Variants in ZMAT4 observed in about 807,000 individuals in gnomAD.
ZMAT4 encodes the protein zinc finger matrin-type 4.
Under a neutral mutation model 28.7 loss-of-function variants are expected in ZMAT4, and 17 were observed. The ratio of observed to expected loss-of-function variants is 0.59; its 90% CI spans 0.41 to 0.89. The LOEUF (loss-of-function observed/expected upper bound fraction) is 0.89. ZMAT4 is among the 40% of genes least tolerant of loss of function. The probability of loss-of-function intolerance (pLI) is 0.00; values close to 1 mark genes in which losing one functional copy is unlikely to be tolerated. For synonymous variants in ZMAT4, 117 were observed against 109.2 expected (o/e 1.07, Z -0.44); for missense variants, 240 against 283.8 (o/e 0.85, Z 1.11).
At chr8:40,845,135 C>T (rs964361824) in intron 1 of ZMAT4, among the ~76,000 whole-genome samples, 1 of 152,186 alleles carries the variant, frequency 6.6e-6, no homozygotes, top group Non-Finnish European at 1.5e-5. Flanking sequence ...ATAAATATCG[C>T]ATCTACAGCT....
intron 1 of ZMAT4, among the ~76,000 whole-genome samples, chr8:40,865,519 A>C (rs16890054): frequency 0.21 from 31,641 of 152,070 alleles, 3,418 homozygotes; most frequent in African/African-American, 0.24. Flanking sequence ...TCTCTGCTCC[A>C]GAACCCTCAG....
At chr8:40,612,016 C>T (rs1805815697) in intron 5 of ZMAT4, among the ~76,000 whole-genome samples, 1 of 152,154 alleles carries the variant, frequency 6.6e-6, no homozygotes. Context: ...GGAGCATGGG[C>T]ATTGGGATGG....
intron 5 of ZMAT4, among the ~76,000 whole-genome samples, chr8:40,589,728 T>TTTCC (rs1563353818): frequency 1.2e-4 from 6 of 49,242 alleles, no homozygotes; most frequent in African/African-American, 4.0e-4. Context: ...TCCTTCTTCC[T>TTTCC]TTCCTTTCTT....
At chr8:40,633,552 C>T (rs1305492112) in intron 5 of ZMAT4, among the ~76,000 whole-genome samples, 4 of 152,166 alleles carry the variant, frequency 2.6e-5, no homozygotes, top group Admixed American at 1.3e-4. Context: ...GGTCTGTCCT[C>T]GCTCCATGGC....
At chr8:40,667,125 C>G (rs534979102) in intron 5 of ZMAT4, among the ~76,000 whole-genome samples, 1 of 151,566 alleles carries the variant, frequency 6.6e-6, no homozygotes, top group African/African-American at 2.4e-5. Flanking sequence ...AACACTGGCC[C>G]GCAATAATTT....
intron 5 of ZMAT4, among the ~76,000 whole-genome samples, chr8:40,646,428 C>A (rs1416637721): frequency 6.6e-6 from 1 of 151,648 alleles, no homozygotes; most frequent in Non-Finnish European, 1.5e-5. Flanking sequence ...GTATCACTTT[C>A]CATAAAGTAT....
intron 6 of ZMAT4, among the ~76,000 whole-genome samples, chr8:40,534,298 T>G (rs984470431): frequency 7.2e-5 from 11 of 152,216 alleles, no homozygotes; most frequent in African/African-American, 2.7e-4. Context: ...TACTTCATAT[T>G]TTAGTCAGCA....
chr8:40,678,532 T>C (rs1383956233), intron 4 of ZMAT4, among the ~76,000 whole-genome samples: 1 of 152,196 alleles, frequency 6.6e-6, no homozygotes, highest in Admixed American at 6.5e-5. Flanking sequence ...CCATATGCTT[T>C]GTGGGGCCTT....
chr8:40,805,102 G>GA (rs1815023373), intron 2 of ZMAT4, among the ~76,000 whole-genome samples: 1 of 151,574 alleles, frequency 6.6e-6, no homozygotes, highest in East Asian at 1.9e-4. Context: ...AAATTTACAA[G>GA]AAAAAAACAA....
chr8:40,833,661 G>C (rs1308377059), intron 1 of ZMAT4, among the ~76,000 whole-genome samples: 2 of 151,958 alleles, frequency 1.3e-5, no homozygotes, highest in East Asian at 3.9e-4. Context: ...CCACTCCCGG[G>C]ACCACCGGCT....
chr8:40,618,410 A>C (rs1341752845), intron 5 of ZMAT4, among the ~76,000 whole-genome samples: 4 of 152,196 alleles, frequency 2.6e-5, no homozygotes, highest in Admixed American at 2.0e-4. Flanking sequence ...AGTATTAATA[A>C]TACTCCTTGA....
chr8:40,748,075 G>A (rs1434067773), intron 3 of ZMAT4, among the ~76,000 whole-genome samples: 1 of 152,088 alleles, frequency 6.6e-6, no homozygotes, highest in Non-Finnish European at 1.5e-5. Flanking sequence ...AGTATTTAAA[G>A]TCATAAACAC....
chr8:40,757,464 T>TACA (rs1397808963), intron 3 of ZMAT4, among the ~76,000 whole-genome samples: 1 of 151,944 alleles, frequency 6.6e-6, no homozygotes, highest in African/African-American at 2.4e-5. Flanking sequence ...CACGTGCCTG[T>TACA]AGTCCCAACT....
chr8:40,837,827 A>G (rs1350112685), intron 1 of ZMAT4, among the ~76,000 whole-genome samples: 1 of 152,250 alleles, frequency 6.6e-6, no homozygotes, highest in East Asian at 1.9e-4. Flanking sequence ...GGCTGGGAGC[A>G]TCTTTACAGA....
intron 2 of ZMAT4, among the ~76,000 whole-genome samples, chr8:40,811,232 T>C (rs1224886133): frequency 6.6e-6 from 1 of 152,106 alleles, no homozygotes; most frequent in African/African-American, 2.4e-5. Flanking sequence ...GGAGGTAAAG[T>C]GTGTTTTACT....
At chr8:40,794,191 A>G (rs979925342) in intron 2 of ZMAT4, among the ~76,000 whole-genome samples, 40 of 152,136 alleles carry the variant, frequency 2.6e-4, no homozygotes, top group Non-Finnish European at 2.1e-4. Flanking sequence ...GAACTCGGAT[A>G]ACAAGCCTCA....
intron 6 of ZMAT4, among the ~76,000 whole-genome samples, chr8:40,579,608 A>C (rs550626351): frequency 1.3e-5 from 2 of 152,282 alleles, no homozygotes; most frequent in East Asian, 3.9e-4. Context: ...TTTGGGTTTA[A>C]ATTTTCTCAC....
chr8:40,622,113 G>A lies in ZMAT4; in HGVS notation c.578-40852C>T, dbSNP rs576934055. On this transcript the variant is annotated intron_variant, in intron 5 of 6. Coordinates refer to ENST00000297737, the MANE Select transcript of ZMAT4 (RefSeq NM_024645.3). Reference sequence around the variant, plus strand: ...CATTCCCAATACATGAAAGCACAACGGAAAGTACAAGGGTATTTTTAATTG... The same window carrying A: ...CATTCCCAATACATGAAAGCACAACAGAAAGTACAAGGGTATTTTTAATTG... Among the ~76,000 whole-genome samples the A allele has an allele frequency of 2.9e-4, 44 of 152,206 alleles. No homozygotes were observed. In the South Asian group the frequency reaches 4.6e-3, roughly 16 times the overall value.
chr8:40,656,034 A>G (rs1487358025), intron 5 of ZMAT4, among the ~76,000 whole-genome samples: 3 of 152,162 alleles, frequency 2.0e-5, no homozygotes, highest in Non-Finnish European at 2.9e-5. Flanking sequence ...ATGAGAGACA[A>G]AATTGAAAAT....
Sources: gnomAD v4.1 joint callset for allele counts (sites outside exome capture counted in the v4.1 genomes callset) on GRCh38, gnomAD v4.1.1 for gene constraint, MANE v1.5 for transcripts, NCBI Gene and HGNC (gene_info 2026-07-23, HGNC 2026-07-21) for gene names.